Variants in PDE4B observed in about 807,000 individuals in gnomAD.
PDE4B encodes phosphodiesterase 4B.
PDE4B carries 20 observed loss-of-function variants against 82.2 expected under a neutral mutation model. That is an observed-to-expected ratio of 0.24 (90% CI 0.17 to 0.35). The LOEUF (loss-of-function observed/expected upper bound fraction) is 0.35, where lower values mean the gene tolerates loss of function less well. Among genes scored for constraint, PDE4B ranks in the 10% least tolerant of loss-of-function variants. The pLI, the probability that PDE4B is intolerant of heterozygous loss-of-function variation, is 1.00. For missense variants in PDE4B, 655 were observed against 907.2 expected (o/e 0.72, Z 3.57); for synonymous variants, 320 against 318.9 (o/e 1.00, Z -0.04).
intron 3 of PDE4B, among the ~76,000 whole-genome samples, chr1:66,158,105 C>A (rs1646536976): frequency 6.6e-6 from 1 of 152,150 alleles, no homozygotes; most frequent in Non-Finnish European, 1.5e-5. Context: ...TAGATTGAGG[C>A]ATAATTCCAA....
At chr1:66,131,040 T>C (rs1180600411) in intron 3 of PDE4B, among the ~76,000 whole-genome samples, 2 of 152,200 alleles carry the variant, frequency 1.3e-5, no homozygotes, top group Admixed American at 6.5e-5. Flanking sequence ...CAATTAGAAA[T>C]GGGGTTCAAG....
intron 3 of PDE4B, among the ~76,000 whole-genome samples, chr1:65,939,642 A>G (rs1303404453): frequency 6.6e-6 from 1 of 152,146 alleles, no homozygotes; most frequent in Non-Finnish European, 1.5e-5. Flanking sequence ...AACCCCACAA[A>G]GGCAGTCATC....
intron 3 of PDE4B, among the ~76,000 whole-genome samples, chr1:66,124,726 T>C (rs1311601691): frequency 1.3e-5 from 2 of 151,114 alleles, no homozygotes; most frequent in African/African-American, 4.9e-5. Flanking sequence ...TGTTTCCTCA[T>C]AACATCAATG....
intron 1 of PDE4B, among the ~76,000 whole-genome samples, chr1:65,877,993 A>G (rs1571056474): frequency 6.6e-6 from 1 of 152,152 alleles, no homozygotes; most frequent in African/African-American, 2.4e-5. Context: ...TCATCTGAGA[A>G]AGGTCCAATA....
intron 3 of PDE4B, among the ~76,000 whole-genome samples, chr1:65,951,808 C>T (rs1449267569): frequency 2.6e-5 from 4 of 152,100 alleles, no homozygotes; most frequent in African/African-American, 4.8e-5. Flanking sequence ...CTACTTGATG[C>T]AGAATGCCTG....
At chr1:66,217,131 C>CCCCT (rs1650525382) in intron 3 of PDE4B, among the ~76,000 whole-genome samples, 1 of 152,048 alleles carries the variant, frequency 6.6e-6, no homozygotes. Flanking sequence ...GTGTCAGCTT[C>CCCCT]CCCTCTCCAG....
chr1:66,197,571 A>G (rs1648436102), intron 3 of PDE4B, among the ~76,000 whole-genome samples: 1 of 152,162 alleles, frequency 6.6e-6, no homozygotes, highest in Non-Finnish European at 1.5e-5. Context: ...AACTTAAACT[A>G]CAGTGAAAAA....
At chr1:66,282,035 C>A (rs1302172957) in intron 7 of PDE4B, among the ~76,000 whole-genome samples, 1 of 152,208 alleles carries the variant, frequency 6.6e-6, no homozygotes, top group African/African-American at 2.4e-5. Flanking sequence ...AGTAAAGGTG[C>A]ATGTGATGCC....
intron 3 of PDE4B, among the ~76,000 whole-genome samples, chr1:66,106,670 G>T (rs1290688813): frequency 2.6e-5 from 4 of 151,928 alleles, no homozygotes; most frequent in Non-Finnish European, 5.9e-5. Context: ...GTCTTGGGAG[G>T]GCGTATGTGT....
chr1:65,816,018 C>A (rs1645879321), intron 1 of PDE4B, among the ~76,000 whole-genome samples: 1 of 152,180 alleles, frequency 6.6e-6, no homozygotes, highest in East Asian at 1.9e-4. Flanking sequence ...TCTCAATTTT[C>A]TCTTTTCCTA....
intron 1 of PDE4B, among the ~76,000 whole-genome samples, chr1:65,868,371 T>C (rs1473188251): frequency 6.6e-6 from 1 of 152,146 alleles, no homozygotes; most frequent in Non-Finnish European, 1.5e-5. Flanking sequence ...GCGCAATTAA[T>C]TGAGAGAGTT....
intron 3 of PDE4B, among the ~76,000 whole-genome samples, chr1:65,934,455 A>G (rs960121376): frequency 6.6e-6 from 1 of 152,214 alleles, no homozygotes; most frequent in Non-Finnish European, 1.5e-5. Flanking sequence ...AAAGACAGAG[A>G]AAGAATAAAA....
intron 3 of PDE4B, among the ~76,000 whole-genome samples, chr1:65,955,237 A>T (rs1490940004): frequency 1.3e-5 from 2 of 152,114 alleles, no homozygotes; most frequent in East Asian, 3.9e-4. Flanking sequence ...GTTTCAGCAC[A>T]GTCCCGTAAA....
chr1:65,886,693 G>A (rs1646781230), intron 1 of PDE4B, among the ~76,000 whole-genome samples: 2 of 152,032 alleles, frequency 1.3e-5, no homozygotes, highest in African/African-American at 4.8e-5. Flanking sequence ...TTCCATCCAT[G>A]TTGCTGCAAA....
At chr1:65,897,982 A>G (rs1056896849) in intron 1 of PDE4B, among the ~76,000 whole-genome samples, 19 of 152,026 alleles carry the variant, frequency 1.2e-4, no homozygotes, top group African/African-American at 4.6e-4. Flanking sequence ...TTTTCTCTAC[A>G]ATCTTGCAAT....
intron 3 of PDE4B, among the ~76,000 whole-genome samples, chr1:66,047,967 C>G (rs147778184): frequency 7.6e-4 from 116 of 152,044 alleles, no homozygotes; most frequent in African/African-American, 2.5e-3. Flanking sequence ...ACAGACGAAT[C>G]ATTTCCACAG....
intron 1 of PDE4B, among the ~76,000 whole-genome samples, chr1:65,912,247 T>G (rs1404232035): frequency 6.6e-6 from 1 of 152,210 alleles, no homozygotes; most frequent in Non-Finnish European, 1.5e-5. Flanking sequence ...TTTTAAAAAT[T>G]TTATTTTAGA....
At chr1:66,024,767 G>GT (rs1400534417) in intron 3 of PDE4B, among the ~76,000 whole-genome samples, 5 of 152,000 alleles carry the variant, frequency 3.3e-5, no homozygotes, top group African/African-American at 1.2e-4. Context: ...TGATATATAG[G>GT]TAAAGTTGGT....
chr1:66,188,880 A>C (rs1647453469), intron 3 of PDE4B, among the ~76,000 whole-genome samples: 1 of 152,152 alleles, frequency 6.6e-6, no homozygotes, highest in Non-Finnish European at 1.5e-5. Context: ...TGTCATTATG[A>C]TGTTAGCTGG....
Sources: allele counts gnomAD v4.1 joint callset (sites outside exome capture counted in the v4.1 genomes callset), GRCh38; gene constraint gnomAD v4.1.1; transcripts MANE v1.5; gene names NCBI Gene and HGNC (gene_info 2026-07-23, HGNC 2026-07-21).